The following PRPF3 variants were observed in gnomAD, a reference collection of about 807,000 sequenced individuals.
PRPF3 encodes the protein pre-mRNA processing factor 3, also known as U4/U6 small nuclear ribonucleoprotein Prp3.
PRPF3 carries 3 observed loss-of-function variants against 89.2 expected under a neutral mutation model. The ratio of observed to expected loss-of-function variants is 0.03; its 90% CI spans 0.02 to 0.09. The LOEUF (loss-of-function observed/expected upper bound fraction) is 0.09, where lower values mean the gene tolerates loss of function less well. Among genes scored for constraint, PRPF3 ranks in the 10% least tolerant of loss-of-function variants. PRPF3 has a pLI of 1.00. For synonymous variants in PRPF3, 270 were observed against 289.1 expected (o/e 0.93, Z 0.67); for missense variants, 463 against 828.8 (o/e 0.56, Z 5.42).
At chr1:150,342,038 G>A (rs1396131062) in intron 9 of PRPF3, among the ~76,000 whole-genome samples, 1 of 151,762 alleles carries the variant, frequency 6.6e-6, no homozygotes, top group Non-Finnish European at 1.5e-5. Flanking sequence ...AGGTATCATT[G>A]AATGAGGGGG....
At chr1:150,321,785 G>T (rs1655071757) in intron 1 of PRPF3, among the ~76,000 whole-genome samples, 193 bp downstream of exon 1, 2 of 152,050 alleles carry the variant, frequency 1.3e-5, no homozygotes, top group South Asian at 4.2e-4. Context: ...AGGAGACCGG[G>T]TTGGGAGACC....
chr1:150,326,065 A>G (rs1468594637), intron 3 of PRPF3, among the ~76,000 whole-genome samples, 184 bp downstream of exon 3: 3 of 152,174 alleles, frequency 2.0e-5, no homozygotes, highest in African/African-American at 7.2e-5. Flanking sequence ...CTCTAAGTTC[A>G]TGGGTTGAAA....
rs889186447 is a variant in PRPF3 at position 150,325,606 on chromosome 1, G to A, written c.146-145G>A. ...ACCTCACAGGGCAAGGTCATTTAGT[G>A]TAAGAGAGATGGGAATCCTACAAAA... On this transcript the variant is annotated intron_variant, in intron 2 of 15. Coordinates refer to ENST00000324862, the MANE Select transcript of PRPF3 (RefSeq NM_004698.4). 47 of 1,078,152 alleles carry A rather than the reference G, an allele frequency of 4.4e-5. No individual in the cohort carries two copies. The African/African-American group carries it at 6.9e-4, about 16-fold the overall frequency. The allele number at this position is 1,078,152 out of a possible 1,614,324, so 66.8% of individuals were successfully genotyped here.
At chr1:150,328,657 A>C (rs1354748537) in intron 4 of PRPF3, among the ~76,000 whole-genome samples, 191 bp downstream of exon 4, 1 of 148,220 alleles carries the variant, frequency 6.7e-6, no homozygotes, top group Non-Finnish European at 1.5e-5. Flanking sequence ...GGTTCAAGCA[A>C]ATCTCCTGTC....
intron 14 of PRPF3, among the ~76,000 whole-genome samples, chr1:150,347,660 G>A (rs1305000210): frequency 6.6e-6 from 1 of 151,634 alleles, no homozygotes; most frequent in Non-Finnish European, 1.5e-5. Context: ...CCTGGCAGGC[G>A]GAGGTTGCAG....
At chr1:150,331,895 A>G (rs587713021) in intron 4 of PRPF3, among the ~76,000 whole-genome samples, 2 of 152,210 alleles carry the variant, frequency 1.3e-5, no homozygotes, top group South Asian at 4.2e-4. Context: ...TTCCCAAACT[A>G]GTAGTTCAAG....
intron 8 of PRPF3, among the ~76,000 whole-genome samples, chr1:150,339,794 G>A (rs2101996572): frequency 7.0e-6 from 1 of 143,326 alleles, no homozygotes; most frequent in Admixed American, 7.3e-5. Context: ...CACAATCTCG[G>A]CTCGCTGCAA....
In PRPF3 at chr1:150,333,187, G is replaced by T. The variant is rs1560095949; in HGVS notation, c.716G>T (p.Gly239Val). 6.2e-7 allele frequency: 1 copy of T among 1,613,990 alleles called. No individual in the cohort carries two copies. Among genetic ancestry groups the T allele is most frequent in the African/African-American group, 1.3e-5 (1 of 74,932 alleles). Residue 239 changes from glycine (G) to valine (V), a missense_variant, in exon 6 of 16, where the codon GGC becomes GTC. Gly to Val is a moderately radical substitution (Grantham distance 109). Coordinates refer to ENST00000324862, the MANE Select transcript of PRPF3 (RefSeq NM_004698.4). ...MVGLANLHAM[G>V]IAPPKVELKD... The stretch of plus-strand genomic sequence containing the variant: ...GGCCTGGCTAATCTCCATGCCATGG[G>T]CATTGCTCCCCCGTGAGTGTCTATT...
chr1:150,329,741 T>TTAC (rs1161189686), intron 4 of PRPF3: 1 of 152,156 alleles, frequency 6.6e-6, no homozygotes, highest in Non-Finnish European at 1.5e-5. Context: ...TATGTGATAT[T>TTAC]TACAGAAGGA....
In PRPF3 at chr1:150,352,957, C is replaced by T; in HGVS notation, c.2030C>T (p.Ser677Phe). ...TACTGGGACCTTGCGCTGAGTGAAT[C>T]TGTGTTAGAGTCCACTGATTGAGAC... is the stretch of plus-strand genomic sequence containing the variant. ...EHYWDLALSE[S>F]VLESTD Residue 677 changes from serine (S) to phenylalanine (F), a missense_variant, in exon 16 of 16, where the codon TCT becomes TTT. By Grantham distance (155) the Ser-to-Phe change is radical. Transcript: ENST00000324862. The T allele has an allele frequency of 6.2e-7, 1 of 1,614,102 alleles. No homozygotes were observed. Among genetic ancestry groups the T allele is most frequent in the Non-Finnish European group, 8.5e-7 (1 of 1,180,010 alleles).
chr1:150,325,540 A>G (rs939586574), intron 2 of PRPF3, among the ~76,000 whole-genome samples: 3 of 152,156 alleles, frequency 2.0e-5, no homozygotes, highest in African/African-American at 7.2e-5. Context: ...AGGTTGCTCT[A>G]ACTGCACCAC....
At chr1:150,325,952 GT>G in intron 3 of PRPF3, 71 bp downstream of exon 3, 1 of 1,565,268 alleles carries the variant, frequency 6.4e-7, no homozygotes, top group South Asian at 1.1e-5. Flanking sequence ...GAGCTTACCA[GT>G]TCACACGTTG....
At chr1:150,348,545 C>T (rs1572283684) in intron 14 of PRPF3, 1 of 126,682 alleles carries the variant, frequency 7.9e-6, no homozygotes, top group South Asian at 2.8e-4. Context: ...TCACTGCAGC[C>T]TCCGCCTCCC....
intron 4 of PRPF3, 149 bp downstream of exon 4, chr1:150,328,615 C>T (rs1418776594): frequency 1.5e-5 from 13 of 841,800 alleles, no homozygotes; most frequent in African/African-American, 4.1e-5. Flanking sequence ...TACAGTGGCG[C>T]GATCTCAGCT....
intron 12 of PRPF3, 144 bp from the exon 13 acceptor site, chr1:150,345,874 T>G: frequency 1.3e-6 from 1 of 756,136 alleles, no homozygotes; most frequent in Non-Finnish European, 2.4e-6. Flanking sequence ...AACTCTACCT[T>G]TTAAGCATTC....
intron 1 of PRPF3, 108 bp from the exon 2 acceptor site, chr1:150,324,787 T>A: frequency 1.3e-6 from 1 of 774,518 alleles, no homozygotes; most frequent in Admixed American, 2.6e-5. Context: ...CCCCAGGCAG[T>A]CCATCCACCT....
intron 9 of PRPF3, among the ~76,000 whole-genome samples, chr1:150,340,991 G>T (rs1560108296): frequency 1.3e-5 from 2 of 151,672 alleles, no homozygotes; most frequent in Non-Finnish European, 2.9e-5. Context: ...TGTAGTCCCA[G>T]CCTCTTGGGA....
chr1:150,333,071 T>C lies in PRPF3; in HGVS notation c.600T>C (p.Ile200=). The C allele has an allele frequency of 6.2e-7, 1 of 1,614,154 alleles. No homozygotes were observed. The highest frequency in any genetic ancestry group is 8.5e-7 in the Non-Finnish European group (1 of 1,180,016). The stretch of plus-strand genomic sequence containing the variant: ...CTGCCACTTTCATGAATGATGCCAT[T>C]GAGAAGGCAAGGAAAGCAGCTGAAC... ...SQAATFMNDA[I]EKARKAAELQ... is the part of the protein sequence containing the mutation. Residue 200 remains isoleucine (I), a synonymous_variant, in exon 6 of 16, where the codon ATT becomes ATC. Coordinates refer to ENST00000324862, the MANE Select transcript of PRPF3 (RefSeq NM_004698.4).
chr1:150,325,837 C>T lies in PRPF3; in HGVS notation c.232C>T (p.His78Tyr). 3.1e-6 allele frequency: 5 copies of T among 1,613,732 alleles called. No homozygotes were observed. Among genetic ancestry groups the T allele is most frequent in the Non-Finnish European group, 4.2e-6 (5 of 1,179,740 alleles). ...EAVEEGRSSRHSKSSSDRSRK... is the reference protein window; with the variant it reads ...EAVEEGRSSRYSKSSSDRSRK... ...TGTGGAGGAAGGCCGAAGCTCTAGGCATTCCAAGTCTAGCAGTGACAGGAG... is the reference window on the plus strand; with the variant it reads ...TGTGGAGGAAGGCCGAAGCTCTAGGTATTCCAAGTCTAGCAGTGACAGGAG... The change falls in exon 3 of 16, where the codon CAT (histidine) becomes TAT (tyrosine). Residue 78 changes from histidine to tyrosine, a missense_variant. His to Tyr is a moderately conservative substitution (Grantham distance 83). Around this residue, in one of 8 missense-constraint regions of PRPF3, gnomAD observed 21 missense variants for 16.6 expected, o/e 1.26. Coordinates refer to ENST00000324862, the MANE Select transcript of PRPF3 (RefSeq NM_004698.4).
Sources: gnomAD v4.1 joint callset for allele counts (sites outside exome capture counted in the v4.1 genomes callset) on GRCh38, gnomAD v4.1.1 for gene constraint, gnomAD v4.1.1 regional missense constraint, MANE v1.5 for transcripts, NCBI Gene and HGNC (gene_info 2026-07-23, HGNC 2026-07-21) for gene names.